Variants in ANKH observed in about 807,000 individuals in gnomAD.
ANKH encodes ANKH inorganic pyrophosphate transport regulator, also known as mineralization regulator ANKH.
Under a neutral mutation model 49.0 loss-of-function variants are expected in ANKH, and 15 were observed. That is an observed-to-expected ratio of 0.31 (90% CI 0.20 to 0.47). ANKH has a LOEUF of 0.47. Among genes scored for constraint, ANKH ranks in the 20% least tolerant of loss-of-function variants. The probability of loss-of-function intolerance (pLI) is 1.00; values close to 1 mark genes in which losing one functional copy is unlikely to be tolerated. For missense variants in ANKH, 429 were observed against 652.0 expected, an observed-to-expected ratio of 0.66 and a Z score of 3.72; for synonymous variants, 273 against 260.0, an observed-to-expected ratio of 1.05 and a Z score of -0.48.
At chr5:14,816,344 C>A (rs561848835) in intron 1 of ANKH, among the ~76,000 whole-genome samples, 3 of 152,106 alleles carry the variant, frequency 2.0e-5, no homozygotes, top group African/African-American at 7.2e-5. Context: ...GAAGCCACTT[C>A]GAATGGGTCT....
At chr5:14,750,562 C>T (rs1051116680) in intron 5 of ANKH, among the ~76,000 whole-genome samples, 4 of 152,112 alleles carry the variant, frequency 2.6e-5, no homozygotes, top group African/African-American at 4.8e-5. Flanking sequence ...TTGAGGGTAG[C>T]GACCATATCT....
At chr5:14,812,435 A>C (rs540510070) in intron 1 of ANKH, among the ~76,000 whole-genome samples, 1 of 152,244 alleles carries the variant, frequency 6.6e-6, no homozygotes, top group Non-Finnish European at 1.5e-5. Context: ...CAGGTTTTGC[A>C]TGGGCATTAC....
At chr5:14,859,411 A>G (rs1250085784) in intron 1 of ANKH, among the ~76,000 whole-genome samples, 2 of 152,188 alleles carry the variant, frequency 1.3e-5, no homozygotes, top group Non-Finnish European at 2.9e-5. Flanking sequence ...GTAGGACATT[A>G]GTTTTTTAAT....
chr5:14,729,727 G>A (rs932556505), intron 8 of ANKH, among the ~76,000 whole-genome samples: 2 of 152,048 alleles, frequency 1.3e-5, no homozygotes, highest in Admixed American at 1.3e-4. Context: ...AGGCTCTGGC[G>A]GGGAGAAAAG....
rs549577848 is a variant in ANKH at position 14,789,774 on chromosome 5, G to A, written c.97-20583C>T. ...TTGCCTGGCTGGAGTGCAGTGGTGCGATCTCAGCTCACTGCAACCTCCGAT... is the reference window on the plus strand; with the variant it reads ...TTGCCTGGCTGGAGTGCAGTGGTGCAATCTCAGCTCACTGCAACCTCCGAT... On this transcript the variant is annotated intron_variant, in intron 1 of 11. Coordinates refer to ENST00000284268, the MANE Select transcript of ANKH (RefSeq NM_054027.6). 2.4e-4 allele frequency among the ~76,000 whole-genome samples: 36 copies of A among 152,210 alleles called. 1 individual carries two copies. The highest frequency in any genetic ancestry group is 7.9e-4 in the African/African-American group (33 of 41,538).
Position 14,732,931 on chromosome 5 carries a change from CAGT to C in ANKH, c.1011+8893_1011+8895del, listed in dbSNP as rs1738049982. 2.6e-5 allele frequency among the ~76,000 whole-genome samples: 4 copies of C among 152,274 alleles called. No individual in the cohort carries two copies. In the South Asian group the frequency reaches 8.3e-4, roughly 32 times the overall value. On this transcript the variant is annotated intron_variant, in intron 8 of 11. Coordinates refer to ENST00000284268, the MANE Select transcript of ANKH (RefSeq NM_054027.6). ...ATTAAATCAACAGACACATACAGGG[CAGT>C]TAGATGTCATGAGAGCCACAGGCGT... is the stretch of plus-strand genomic sequence containing the variant.
chr5:14,751,014 C>T, intron 5 of ANKH, 55 bp downstream of exon 5: 8 of 1,594,306 alleles, frequency 5.0e-6, no homozygotes, highest in Non-Finnish European at 6.9e-6. Context: ...AGGTGGAATA[C>T]AGTTTTATTC....
At chr5:14,831,977 G>A (rs939927605) in intron 1 of ANKH, among the ~76,000 whole-genome samples, 1 of 152,076 alleles carries the variant, frequency 6.6e-6, no homozygotes, top group Non-Finnish European at 1.5e-5. Flanking sequence ...AATTTTTTGG[G>A]AAAATGTTCT....
chr5:14,784,057 G>GTA (rs1202497932), intron 1 of ANKH, among the ~76,000 whole-genome samples: 4 of 152,226 alleles, frequency 2.6e-5, no homozygotes, highest in Non-Finnish European at 4.4e-5. Flanking sequence ...ATCAGAAGGC[G>GTA]TATTTGTTGG....
intron 6 of ANKH, among the ~76,000 whole-genome samples, chr5:14,746,204 T>A (rs952542808): frequency 1.3e-5 from 2 of 151,596 alleles, no homozygotes; most frequent in Non-Finnish European, 1.5e-5. Flanking sequence ...GCCAACAAAG[T>A]GGACGTGAAA....
At chr5:14,835,810 C>CA (rs535733464) in intron 1 of ANKH, among the ~76,000 whole-genome samples, 2,426 of 151,628 alleles carry the variant, frequency 0.016, 68 homozygotes, top group African/African-American at 0.056. Context: ...AGAGACACAA[C>CA]AAAAAAAAGA....
intron 1 of ANKH, among the ~76,000 whole-genome samples, chr5:14,789,344 C>T (rs192980220): frequency 6.6e-6 from 1 of 152,042 alleles, no homozygotes; most frequent in Non-Finnish European, 1.5e-5. Context: ...GACTTTTGAG[C>T]TTCCGTATGA....
chr5:14,773,898 T>A (rs1739530526), intron 1 of ANKH, among the ~76,000 whole-genome samples: 1 of 152,254 alleles, frequency 6.6e-6, no homozygotes, highest in Non-Finnish European at 1.5e-5. Context: ...CATGAACTAA[T>A]TTTTAAAGAA....
chr5:14,827,145 A>AG (rs2126593494), intron 1 of ANKH, among the ~76,000 whole-genome samples: 1 of 152,156 alleles, frequency 6.6e-6, no homozygotes, highest in South Asian at 2.1e-4. Flanking sequence ...CAGTTCGCAC[A>AG]CTCCAGTCCA....
chr5:14,819,475 T>TTACA (rs575742418), intron 1 of ANKH, among the ~76,000 whole-genome samples: 219 of 152,332 alleles, frequency 1.4e-3, no homozygotes, highest in African/African-American at 5.1e-3. Context: ...TTCGATAATG[T>TTACA]TACAATGTAA....
intron 1 of ANKH, among the ~76,000 whole-genome samples, chr5:14,793,062 T>C (rs1169358273): frequency 2.7e-4 from 7 of 26,300 alleles, no homozygotes; most frequent in Non-Finnish European, 5.4e-4. Context: ...ATATATAAAA[T>C]ATATATAAAT....
chr5:14,765,761 C>A (rs1324877312), intron 2 of ANKH, among the ~76,000 whole-genome samples: 1 of 152,188 alleles, frequency 6.6e-6, no homozygotes, highest in African/African-American at 2.4e-5. Context: ...TTGACCTGAG[C>A]CTGTCTCAAT....
intron 1 of ANKH, among the ~76,000 whole-genome samples, chr5:14,846,156 C>T (rs1190176002): frequency 2.0e-5 from 3 of 152,120 alleles, no homozygotes; most frequent in African/African-American, 7.2e-5. Flanking sequence ...CGCGCCCGGC[C>T]GTAAAACTTA....
chr5:14,718,829 A>ACCCC (rs763245972), intron 8 of ANKH, among the ~76,000 whole-genome samples: 5 of 85,762 alleles, frequency 5.8e-5, no homozygotes, highest in Middle Eastern at 6.5e-3. Context: ...TCCCAACACC[A>ACCCC]CCCCCCCCCC....
Sources: gnomAD v4.1 joint callset for allele counts (sites outside exome capture counted in the v4.1 genomes callset) on GRCh38, gnomAD v4.1.1 for gene constraint, MANE v1.5 for transcripts, NCBI Gene and HGNC (gene_info 2026-07-23, HGNC 2026-07-21) for gene names.